DUS3L: variants seen among roughly 807,000 people sequenced by gnomAD.
DUS3L encodes the protein tRNA-dihydrouridine(47) synthase [NAD(P)(+)]-like.
In DUS3L, 62 loss-of-function variants were observed where a neutral mutation model predicts 74.6. That is an observed-to-expected ratio of 0.83 (90% confidence interval 0.68 to 1.03). DUS3L has a LOEUF of 1.03. Among genes scored for constraint, DUS3L ranks in the 50% least tolerant of loss-of-function variants. The pLI, the probability that DUS3L is intolerant of heterozygous loss-of-function variation, is 0.00. For missense variants in DUS3L, 884 were observed against 924.4 expected (o/e 0.96, Z 0.57); for synonymous variants, 433 against 395.7 (o/e 1.09, Z -1.12).
chr19:5,787,904 C>T (rs1262348410), intron 5 of DUS3L, 120 bp downstream of exon 5: 2 of 1,494,496 alleles, frequency 1.3e-6, no homozygotes, highest in African/African-American at 1.4e-5. Context: ...AGGGCATCAC[C>T]CCCACTCCAC....
At chr19:5,788,293 A>C (rs1164921973) in intron 4 of DUS3L, 64 bp downstream of exon 4, 9 of 1,612,044 alleles carry the variant, frequency 5.6e-6, no homozygotes, top group Non-Finnish European at 7.6e-6. Context: ...ACAGACACTA[A>C]GCCCTGTTGG....
At position 5,789,582 on chromosome 19, in the gene DUS3L, C is replaced by T. The variant is rs750154882; in HGVS notation, c.525G>A (p.Val175=). The T allele has an allele frequency of 6.9e-6, 11 of 1,584,710 alleles. No individual in the cohort carries two copies. The highest frequency in any genetic ancestry group is 5.5e-5 in the Admixed American group (3 of 54,604). The change falls in exon 3 of 13, where the codon GTG becomes GTA. Residue 175 remains valine (V), a synonymous_variant. Transcript: ENST00000309061. ...FETFGRCPYG[V]TCRFAGAHLR... The stretch of plus-strand genomic sequence containing the variant: ...GGTGGGCCCCAGCGAAGCGGCAGGT[C>T]ACGCCGTAGGGGCACCGGCCGAAGG...
rs752534357 is a variant in DUS3L at position 5,790,083 on chromosome 19, G to A, written c.351C>T (p.Asn117=). Residue 117 remains asparagine (N), a synonymous_variant, in exon 2 of 13, where the codon AAC becomes AAT. Transcript: ENST00000309061. ...NKGRPHVKPT[N]YDKNRLCPSL... ...AGGGACACAGCCTGTTCTTGTCGTA[G>A]TTCGTGGGCTTCACATGGGGCCGGC... is the stretch of plus-strand genomic sequence containing the variant. 2 of 1,614,174 alleles carry A rather than the reference G, an allele frequency of 1.2e-6. No homozygotes were observed. The highest frequency in any genetic ancestry group is 1.7e-6 in the Non-Finnish European group (2 of 1,180,042).
chr19:5,788,208 C>T (rs184621897), intron 4 of DUS3L, 32 bp from the exon 5 acceptor site: 3 of 1,612,332 alleles, frequency 1.9e-6, no homozygotes, highest in Admixed American at 3.3e-5. Flanking sequence ...CACACATGCT[C>T]TTGCACGCGC....
At position 5,785,389 on chromosome 19, in the gene DUS3L, C is replaced by A; in HGVS notation, c.1874G>T (p.Arg625Leu). 1.3e-6 allele frequency: 2 copies of A among 1,596,508 alleles called. No individual in the cohort carries two copies. Among genetic ancestry groups the A allele is most frequent in the Non-Finnish European group, 1.7e-6 (2 of 1,170,928 alleles). The change falls in exon 12 of 13, where the codon CGC becomes CTC. Residue 625 changes from arginine (R) to leucine (L), a missense_variant. By Grantham distance (102) the Arg-to-Leu change is moderately radical (BLOSUM62 -2). Transcript: ENST00000309061. ...CTCCAGCCCACCCAGGCACCTGATG[C>A]GGATCCAGTCGGCTGCCTTCTGGCT... ...MASQKAADWI[R>L]ISEMLLGPVP...
chr19:5,789,998 AC>A (rs34511006), intron 2 of DUS3L, 48 bp downstream of exon 2: 5 of 1,601,826 alleles, frequency 3.1e-6, no homozygotes, highest in African/African-American at 1.3e-5. Flanking sequence ...CAGGAAACAC[AC>A]CCTGCTCCTG....
Position 5,789,280 on chromosome 19 carries a change from C to T in DUS3L, c.827G>A (p.Ser276Asn), listed in dbSNP as rs754733529. ...PAGPGTSTPP[S>N]SPVRTCGPLT... ...GGGCCCGCAGGTCCGCACGGGGCTG[C>T]TGGGAGGGGTGCTAGTGCCCGGCCC... Residue 276 changes from serine to asparagine, a missense_variant, in exon 3 of 13, where the codon AGC (serine) becomes AAC (asparagine). Transcript: ENST00000309061. 19 of 1,594,254 alleles carry T rather than the reference C, an allele frequency of 1.2e-5. No homozygotes were observed. In the Admixed American group the frequency reaches 1.8e-4, roughly 15 times the overall value.
chr19:5,789,912 G>T, intron 2 of DUS3L, 135 bp downstream of exon 2: 1 of 1,346,822 alleles, frequency 7.4e-7, no homozygotes, highest in Non-Finnish European at 1.0e-6. Context: ...CGAGGAGAAT[G>T]AAGACGGAAT....
In DUS3L at chr19:5,785,148, G is replaced by A. The variant is rs1345889488; in HGVS notation, c.*55C>T. 1 of 1,541,392 alleles carries A rather than the reference G, an allele frequency of 6.5e-7. No individual in the cohort carries two copies. The highest frequency in any genetic ancestry group is 2.0e-5 in the Admixed American group (1 of 50,964). On this transcript the variant is annotated 3_prime_UTR_variant, in exon 13 of 13. Coordinates refer to ENST00000309061, the MANE Select transcript of DUS3L (RefSeq NM_020175.3). ...TCACAGAAAGGCCTGGATTTTAAAA[G>A]AATAAAATTTATTGTACTCTCCTCG...
In DUS3L at chr19:5,785,153, A is replaced by G. The variant is rs754050489; in HGVS notation, c.*50T>C. On this transcript the variant is annotated 3_prime_UTR_variant, in exon 13 of 13. Transcript: ENST00000309061. ...GAAAGGCCTGGATTTTAAAAGAATA[A>G]AATTTATTGTACTCTCCTCGCCCCA... 2.4e-5 allele frequency: 37 copies of G among 1,548,104 alleles called. No individual in the cohort carries two copies. The East Asian group carries it at 8.7e-4, about 36-fold the overall frequency.
rs1417649921 is a variant in DUS3L at position 5,785,483 on chromosome 19, G to A, written c.1780C>T (p.Leu594Phe). Reference protein sequence around the residue: ...RYVPVGLLERLPQRINERPPY... With the variant: ...RYVPVGLLERFPQRINERPPY... ...GGCCGCTCGTTGATCCTCTGTGGGA[G>A]CCGCTCCAGCAGCCCCACGGGCACG... The change falls in exon 12 of 13, where the codon CTC (leucine) becomes TTC (phenylalanine). Residue 594 changes from leucine (L) to phenylalanine (F), a missense_variant. Physicochemically the swap from Leu to Phe is conservative, Grantham distance 22. Transcript: ENST00000309061. The A allele has an allele frequency of 6.4e-6, 10 of 1,573,166 alleles. No homozygotes were observed. The highest frequency in any genetic ancestry group is 1.2e-5 in the South Asian group (1 of 85,734).
chr19:5,786,904 G>A (rs770075274), intron 8 of DUS3L, 59 bp from the exon 9 acceptor site: 7 of 1,538,984 alleles, frequency 4.5e-6, no homozygotes, highest in South Asian at 2.5e-5. Flanking sequence ...GAGAGGAAGA[G>A]ACCAAGAGAG....
chr19:5,785,195 G>A lies in DUS3L; in HGVS notation c.*8C>T. ...CTCGCCCCAGGGTGCCCCTGGGAAA[G>A]CCTGAGGCTACTTGTACGCGTTGGC... is the stretch of plus-strand genomic sequence containing the variant. On this transcript the variant is annotated 3_prime_UTR_variant, in exon 13 of 13. Coordinates refer to ENST00000309061, the MANE Select transcript of DUS3L (RefSeq NM_020175.3). The A allele has an allele frequency of 6.2e-7, 1 of 1,601,358 alleles. No individual in the cohort carries two copies.
Position 5,790,064 on chromosome 19 carries a change from A to T in DUS3L, c.370T>A (p.Cys124Ser), listed in dbSNP as rs1455231978. The T allele has an allele frequency of 6.2e-7, 1 of 1,614,050 alleles. No individual in the cohort carries two copies. Among genetic ancestry groups the T allele is most frequent in the Non-Finnish European group, 8.5e-7 (1 of 1,179,956 alleles). Residue 124 changes from cysteine (C) to serine (S), a missense_variant, in exon 2 of 13, where the codon TGT becomes AGT. Physicochemically the swap from Cys to Ser is moderately radical, Grantham distance 112. Coordinates refer to ENST00000309061, the MANE Select transcript of DUS3L (RefSeq NM_020175.3). ...GCACTTGCCTGGATTAGGGAGGGACACAGCCTGTTCTTGTCGTAGTTCGTG... is the reference window on the plus strand; with the variant it reads ...GCACTTGCCTGGATTAGGGAGGGACTCAGCCTGTTCTTGTCGTAGTTCGTG... ...KPTNYDKNRL[C>S]PSLIQESAAK...
Position 5,789,246 on chromosome 19 carries a change from A to G in DUS3L, c.861T>C (p.Asp287=). 1 of 1,566,644 alleles carries G rather than the reference A, an allele frequency of 6.4e-7. No individual in the cohort carries two copies. The highest frequency in any genetic ancestry group is 1.4e-5 in the African/African-American group (1 of 72,866). The change falls in exon 3 of 13, where the codon GAT becomes GAC. Residue 287 remains aspartate (D), a synonymous_variant. Transcript: ENST00000309061. The stretch of plus-strand genomic sequence containing the variant: ...AGGGCCGCAGCCTGACCACGTCCTC[A>G]TCCGTCAGGGGCCCGCAGGTCCGCA... ...SPVRTCGPLT[D]EDVVRLRPCE...
chr19:5,789,385 G>T lies in DUS3L; in HGVS notation c.722C>A (p.Pro241His). Residue 241 changes from proline (P) to histidine (H), a missense_variant, in exon 3 of 13, where the codon CCC (proline) becomes CAC (histidine). Transcript: ENST00000309061. The part of the protein sequence containing the change: ...ALRRFSQGPT[P>H]AAAVPEGTAA... Reference sequence around the variant, plus strand: ...CGTGCCCTCGGGGACAGCGGCAGCGGGTGTGGGGCCCTGGCTGAACCGGCG... The same window carrying T: ...CGTGCCCTCGGGGACAGCGGCAGCGTGTGTGGGGCCCTGGCTGAACCGGCG... 1 of 1,593,042 alleles carries T rather than the reference G, an allele frequency of 6.3e-7. No individual in the cohort carries two copies. The highest frequency in any genetic ancestry group is 8.5e-7 in the Non-Finnish European group (1 of 1,172,372).
In DUS3L at chr19:5,789,454, A is replaced by G. The variant is rs1195788834; in HGVS notation, c.653T>C (p.Leu218Pro). The G allele has an allele frequency of 6.9e-6, 11 of 1,601,924 alleles. No individual in the cohort carries two copies. Among genetic ancestry groups the G allele is most frequent in the Non-Finnish European group, 8.5e-6 (10 of 1,178,680 alleles). ...NGLDKALQQQ[L>P]RKREVRFERA... Reference sequence around the variant, plus strand: ...CTCGAAGCGGACCTCGCGCTTCCGCAGCTGCTGCTGCAGGGCTTTGTCCAG... The same window carrying G: ...CTCGAAGCGGACCTCGCGCTTCCGCGGCTGCTGCTGCAGGGCTTTGTCCAG... Residue 218 changes from leucine (L) to proline (P), a missense_variant, in exon 3 of 13, where the codon CTG becomes CCG. Transcript: ENST00000309061.
In DUS3L at chr19:5,787,723, C is replaced by A; in HGVS notation, c.1096-18G>T. On this transcript the variant is annotated intron_variant, in intron 5 of 12. Coordinates refer to ENST00000309061, the MANE Select transcript of DUS3L (RefSeq NM_020175.3). ...CCCTCCAGCTGTAGGTGGGTAGTGG[C>A]AGAACAGGAGGGTGAGGGGAGAGTC... 1 of 1,610,570 alleles carries A rather than the reference C, an allele frequency of 6.2e-7. No individual in the cohort carries two copies. The highest frequency in any genetic ancestry group is 2.2e-5 in the East Asian group (1 of 44,882).
Position 5,785,574 on chromosome 19 carries a change from C to T in DUS3L, c.1751+29G>A, listed in dbSNP as rs550863661. The T allele has an allele frequency of 4.1e-5, 65 of 1,579,892 alleles. No homozygotes were observed. In the East Asian group the frequency reaches 6.7e-4, roughly 16 times the overall value. On this transcript the variant is annotated intron_variant, in intron 11 of 12. Transcript: ENST00000309061. ...CTCTAACCAGCCGCGGCCCACGCGC[C>T]GCCCACCCCAGCCAGCCCCGGTGCC...
Sources: gnomAD v4.1 joint callset for allele counts on GRCh38, gnomAD v4.1.1 for gene constraint, MANE v1.5 for transcripts, NCBI Gene and HGNC (gene_info 2026-07-23, HGNC 2026-07-21) for gene names.